MED29: variants seen among roughly 807,000 people sequenced by gnomAD.
The protein encoded by MED29 is mediator complex subunit 29, also known as mediator of RNA polymerase II transcription subunit 29.
In MED29, 14 loss-of-function variants were observed where a neutral mutation model predicts 22.0. The observed-to-expected ratio is 0.64, with a 90% confidence interval of 0.42 to 0.99. MED29 has a LOEUF of 0.99. Among genes scored for constraint, MED29 ranks in the 50% least tolerant of loss-of-function variants. MED29 has a pLI of 0.00. For missense variants in MED29, 241 were observed against 253.7 expected, an observed-to-expected ratio of 0.95 and a Z score of 0.34; for synonymous variants, 123 against 107.8, an observed-to-expected ratio of 1.14 and a Z score of -0.87.
At chr19:39,393,693 T>G in intron 3 of MED29, 56 bp downstream of exon 3, 1 of 1,454,782 alleles carries the variant, frequency 6.9e-7, no homozygotes, top group Admixed American at 1.7e-5. Context: ...CTCTGGGGTC[T>G]TCAGAAACAG....
Position 39,391,606 on chromosome 19 carries a change from A to G in MED29, c.184A>G (p.Met62Val), listed in dbSNP as rs1309099740. ...CTTCGATCCTGTGCAGCGTTATAAG[A>G]TGCTCATCCCGCAGCTGAAGGAGAG... is the stretch of plus-strand genomic sequence containing the variant. Reference protein sequence around the residue: ...QDFDPVQRYKMLIPQLKESLQ... With the variant: ...QDFDPVQRYKVLIPQLKESLQ... The change falls in exon 1 of 4, where the codon ATG (methionine) becomes GTG (valine). Residue 62 changes from methionine to valine, a missense_variant. Met to Val is a conservative substitution (Grantham distance 21, BLOSUM62 1). Coordinates refer to ENST00000315588, the MANE Select transcript of MED29 (RefSeq NM_017592.4). 1.9e-6 allele frequency: 3 copies of G among 1,607,858 alleles called. No individual in the cohort carries two copies. The highest frequency in any genetic ancestry group is 1.1e-5 in the South Asian group (1 of 90,916).
rs933815894 is a variant in MED29 at position 39,392,658 on chromosome 19, CCT to C, written c.275+139_275+140del. 4.5e-5 allele frequency: 31 copies of C among 691,900 alleles called. No individual in the cohort carries two copies. In the African/African-American group the frequency reaches 6.0e-4, roughly 13 times the overall value. 42.9% of individuals were successfully genotyped at this position (691,900 alleles called of 1,614,324 possible). ...TTTTTTTTTTTTGAGACAGGGTCTC[CCT>C]CTGTCACCCAGGCTGGACTACAGTG... is the stretch of plus-strand genomic sequence containing the variant. On this transcript the variant is annotated intron_variant, in intron 2 of 3. Coordinates refer to ENST00000315588, the MANE Select transcript of MED29 (RefSeq NM_017592.4).
At chr19:39,394,194 C>A (rs1039341310) in intron 3 of MED29, among the ~76,000 whole-genome samples, 2 of 152,088 alleles carry the variant, frequency 1.3e-5, no homozygotes, top group Non-Finnish European at 2.9e-5. Flanking sequence ...TGCGTGTAAA[C>A]TGCTTAACAT....
At chr19:39,393,240 C>T (rs2078409018) in intron 2 of MED29, among the ~76,000 whole-genome samples, 1 of 151,652 alleles carries the variant, frequency 6.6e-6, no homozygotes, top group African/African-American at 2.4e-5. Flanking sequence ...GGACTACAGG[C>T]GCGTGCCAGC....
intron 3 of MED29, among the ~76,000 whole-genome samples, chr19:39,394,445 T>A (rs1221470475): frequency 6.6e-6 from 1 of 151,516 alleles, no homozygotes; most frequent in South Asian, 2.1e-4. Context: ...TTAGTAGAGA[T>A]GGGGTTTCAC....
At position 39,391,487 on chromosome 19, in the gene MED29, C is replaced by T; in HGVS notation, c.65C>T (p.Ser22Leu). ...SSAAGVSGPS[S>L]AGGPGPQQQP... Reference sequence around the variant, plus strand: ...GCTGCTGGTGTATCGGGTCCTAGTTCGGCTGGCGGCCCGGGTCCCCAGCAG... The same window carrying T: ...GCTGCTGGTGTATCGGGTCCTAGTTTGGCTGGCGGCCCGGGTCCCCAGCAG... The change falls in exon 1 of 4, where the codon TCG (serine) becomes TTG (leucine). Residue 22 changes from serine (S) to leucine (L), a missense_variant. Transcript: ENST00000315588. 1.9e-6 allele frequency: 3 copies of T among 1,612,976 alleles called. No individual in the cohort carries two copies. Among genetic ancestry groups the T allele is most frequent in the Non-Finnish European group, 2.5e-6 (3 of 1,179,860 alleles).
At chr19:39,394,979 A>ACCTCCC (rs59270785) in intron 3 of MED29, among the ~76,000 whole-genome samples, 1 of 50,932 alleles carries the variant, frequency 2.0e-5, no homozygotes, top group Non-Finnish European at 3.4e-5. Flanking sequence ...TCCCACCTCA[A>ACCTCCC]AGTAGCTGGG....
chr19:39,397,735 TG>T lies in MED29; in HGVS notation c.*39del, dbSNP rs1400014373. On this transcript the variant is annotated 3_prime_UTR_variant, in exon 4 of 4. Coordinates refer to ENST00000315588, the MANE Select transcript of MED29 (RefSeq NM_017592.4). ...AGGGAGTGGGGCAGGCAGTGGTTGG[TG>T]GGTGGTGTGCAAAGGGAATGAAGAG... is the stretch of plus-strand genomic sequence containing the variant. 4.4e-6 allele frequency: 7 copies of T among 1,593,580 alleles called. No homozygotes were observed. The Admixed American group carries it at 1.2e-4, about 27-fold the overall frequency.
At chr19:39,392,024 A>G (rs2078386722) in intron 1 of MED29, among the ~76,000 whole-genome samples, 1 of 152,156 alleles carries the variant, frequency 6.6e-6, no homozygotes. Context: ...GACTCCGTCA[A>G]AAAAATAAAT....
chr19:39,397,319 A>G lies in MED29; in HGVS notation c.361-138A>G, dbSNP rs555807974. The G allele has an allele frequency of 3.3e-6, 3 of 911,602 alleles. No homozygotes were observed. In the East Asian group the frequency reaches 7.3e-5, roughly 22 times the overall value. 56.5% of individuals were successfully genotyped at this position (911,602 alleles called of 1,614,324 possible). A position where few individuals can be genotyped will look rare whatever the true frequency, so the allele number is the denominator to read the frequency against. ...GCCATGCCCCCAGGTTCCCCAGCAA[A>G]TGACTGGCAGGGCCAACCTCTGACT... On this transcript the variant is annotated intron_variant, in intron 3 of 3. Transcript: ENST00000315588.
chr19:39,395,389 C>T (rs927745567), intron 3 of MED29, among the ~76,000 whole-genome samples: 2 of 152,124 alleles, frequency 1.3e-5, no homozygotes, highest in African/African-American at 4.8e-5. Flanking sequence ...TAGGAATATA[C>T]CTCTGGCTGA....
At chr19:39,392,969 C>T (rs1383119498) in intron 2 of MED29, among the ~76,000 whole-genome samples, 1 of 151,040 alleles carries the variant, frequency 6.6e-6, no homozygotes, top group African/African-American at 2.4e-5. Context: ...AGGCTGGTCT[C>T]AAACTCCTGG....
intron 2 of MED29, 120 bp downstream of exon 2, chr19:39,392,642 T>C (rs2078398219): frequency 1.1e-6 from 1 of 884,286 alleles, no homozygotes; most frequent in Non-Finnish European, 1.7e-6. Flanking sequence ...TTTTTTTTTT[T>C]TTGAGACAGG....
chr19:39,395,276 G>A (rs1266624724), intron 3 of MED29, among the ~76,000 whole-genome samples: 2 of 152,234 alleles, frequency 1.3e-5, no homozygotes, highest in Non-Finnish European at 2.9e-5. Context: ...TCTGGCTGAG[G>A]TGTGGTAGGC....
At position 39,400,556 on chromosome 19, in the gene MED29, GAACTT is replaced by G. The variant is rs1467321872; in HGVS notation, c.*2860_*2864del. 1 of 152,192 alleles carries G rather than the reference GAACTT, an allele frequency of 6.6e-6. No homozygotes were observed. Among genetic ancestry groups the G allele is most frequent in the African/African-American group, 2.4e-5 (1 of 41,442 alleles). The allele number at this position is 152,192 out of a possible 1,614,324, so 9.4% of individuals were successfully genotyped here. A position where few individuals can be genotyped will look rare whatever the true frequency, so the allele number is the denominator to read the frequency against. ...TTATTGAAAAACATTAAAAGTTTGA[GAACTT>G]AAGTTGGATTGTGGTTTCGTGAGCA... is the stretch of plus-strand genomic sequence containing the variant. On this transcript the variant is annotated 3_prime_UTR_variant, in exon 4 of 4. Coordinates refer to ENST00000315588, the MANE Select transcript of MED29 (RefSeq NM_017592.4).
intron 3 of MED29, among the ~76,000 whole-genome samples, chr19:39,395,536 C>T (rs535227476): frequency 1.3e-5 from 2 of 152,084 alleles, no homozygotes; most frequent in Non-Finnish European, 2.9e-5. Flanking sequence ...TGAGAGGCTT[C>T]GTGTGCAGGG....
At chr19:39,396,977 G>A (rs2078431962) in intron 3 of MED29, among the ~76,000 whole-genome samples, 1 of 146,462 alleles carries the variant, frequency 6.8e-6, no homozygotes, top group Non-Finnish European at 1.5e-5. Flanking sequence ...GCAGTGAGCT[G>A]AGATCGTGCC....
chr19:39,393,213 G>A (rs1221772442), intron 2 of MED29, among the ~76,000 whole-genome samples: 8 of 146,154 alleles, frequency 5.5e-5, no homozygotes, highest in African/African-American at 1.0e-4. Context: ...CTCCTGCCTC[G>A]GCCTCCCAAG....
At chr19:39,396,850 C>A (rs1343180362) in intron 3 of MED29, among the ~76,000 whole-genome samples, 1 of 151,516 alleles carries the variant, frequency 6.6e-6, no homozygotes, top group Non-Finnish European at 1.5e-5. Context: ...TGTGGTGAAA[C>A]CTTGTCTCTA....
Sources: allele counts gnomAD v4.1 joint callset (sites outside exome capture counted in the v4.1 genomes callset), GRCh38; gene constraint gnomAD v4.1.1; transcripts MANE v1.5; gene names NCBI Gene and HGNC (gene_info 2026-07-23, HGNC 2026-07-21).